The following NRXN1 variants were observed in gnomAD, a reference collection of about 807,000 sequenced individuals.
The protein encoded by NRXN1 is neurexin 1, also known as neurexin-1.
In NRXN1, 39 loss-of-function variants were observed where a neutral mutation model predicts 150.9. The ratio of observed to expected loss-of-function variants is 0.26; its 90% confidence interval spans 0.20 to 0.34. The LOEUF (loss-of-function observed/expected upper bound fraction) is 0.34, where lower values mean the gene tolerates loss of function less well. Among genes scored for constraint, NRXN1 ranks in the 10% least tolerant of loss-of-function variants. The pLI is 1.00. For synonymous variants in NRXN1, 924 were observed against 757.0 expected, an observed-to-expected ratio of 1.22 and a Z score of -3.62; for missense variants, 1,815 against 1,949.9, an observed-to-expected ratio of 0.93 and a Z score of 1.30.
chr2:50,694,984 T>C (rs1422441128), intron 5 of NRXN1, among the ~76,000 whole-genome samples: 5 of 152,222 alleles, frequency 3.3e-5, no homozygotes, highest in Non-Finnish European at 1.5e-5. Context: ...CCATGCAAAT[T>C]GATCTGGGAG....
At chr2:49,944,824 A>G (rs1247879400) in intron 21 of NRXN1, among the ~76,000 whole-genome samples, 1 of 152,220 alleles carries the variant, frequency 6.6e-6, no homozygotes, top group Non-Finnish European at 1.5e-5. Context: ...TGCAACATTG[A>G]TACAGTTCTC....
intron 15 of NRXN1, among the ~76,000 whole-genome samples, chr2:50,481,760 C>CTTTTTTTTTTTTTTTTTT (rs758265489): frequency 8.4e-5 from 7 of 82,958 alleles, no homozygotes; most frequent in East Asian, 3.8e-4. Context: ...ACTTTTGTTT[C>CTTTTTTTTTTTTTTTTTT]TTTTTTTTTT....
intron 17 of NRXN1, among the ~76,000 whole-genome samples, chr2:50,238,389 A>G (rs181731712): frequency 7.4e-4 from 113 of 152,152 alleles, no homozygotes; most frequent in African/African-American, 2.5e-3. Flanking sequence ...CAGTCCCATA[A>G]TCGATACCCC....
rs149322054 is a variant in NRXN1, at chr2:49,984,718, A to AACACACACACACAC, written c.4129-40941_4129-40928dup. On this transcript the variant is annotated intron_variant, in intron 21 of 22. Transcript: ENST00000401669. Reference sequence around the variant, plus strand: ...AGACAAAGTCCTTTGAGAACACACAAACACACACACACACACACACACACA... The same window carrying AACACACACACACAC: ...AGACAAAGTCCTTTGAGAACACACAAACACACACACACACACACACACACACACACACACACACA... Among the ~76,000 whole-genome samples the AACACACACACACAC allele has an allele frequency of 4.4e-3, 650 of 146,936 alleles. 2 individuals carry two copies. Among genetic ancestry groups the AACACACACACACAC allele is most frequent in the Admixed American group, 8.7e-3 (127 of 14,636 alleles).
intron 15 of NRXN1, among the ~76,000 whole-genome samples, chr2:50,495,180 C>G (rs375188213): frequency 3.0e-4 from 45 of 152,188 alleles, no homozygotes; most frequent in African/African-American, 1.0e-3. Context: ...CACATATATT[C>G]TTAGTGAATC....
chr2:50,031,664 T>C (rs67002105), intron 21 of NRXN1, among the ~76,000 whole-genome samples: 60,534 of 151,934 alleles, frequency 0.4, 12,618 homozygotes, highest in Middle Eastern at 0.51. Context: ...TATCAATGCA[T>C]AAGGAAGAGA....
chr2:50,500,837 A>G (rs1338538018), intron 13 of NRXN1, among the ~76,000 whole-genome samples: 1 of 152,220 alleles, frequency 6.6e-6, no homozygotes, highest in African/African-American at 2.4e-5. Context: ...ATGTCGAGCA[A>G]AATAACCCTC....
At chr2:50,061,497 C>T (rs967211231) in intron 19 of NRXN1, among the ~76,000 whole-genome samples, 5 of 152,094 alleles carry the variant, frequency 3.3e-5, no homozygotes, top group Admixed American at 6.6e-5. Context: ...TTGAATCTTT[C>T]GAAGAAGACA....
intron 18 of NRXN1, among the ~76,000 whole-genome samples, chr2:50,217,503 T>C (rs1377688557): frequency 1.3e-5 from 2 of 152,060 alleles, no homozygotes; most frequent in Non-Finnish European, 2.9e-5. Context: ...AATTACATGC[T>C]TTAAAACTCT....
intron 5 of NRXN1, chr2:50,632,873 T>G (rs1682585811): frequency 6.6e-6 from 1 of 152,014 alleles, no homozygotes; most frequent in South Asian, 2.1e-4. Context: ...CAATATCTAT[T>G]TAATATGTAC....
intron 17 of NRXN1, among the ~76,000 whole-genome samples, chr2:50,389,435 G>T (rs1297886870): frequency 6.6e-6 from 1 of 151,454 alleles, no homozygotes; most frequent in African/African-American, 2.4e-5. Flanking sequence ...AATAAACTTA[G>T]ATTTATTGGT....
At chr2:50,354,071 C>T (rs1204946626) in intron 17 of NRXN1, among the ~76,000 whole-genome samples, 1 of 152,052 alleles carries the variant, frequency 6.6e-6, no homozygotes, top group Non-Finnish European at 1.5e-5. Context: ...TCTCACCTCC[C>T]GTTAGTTGAT....
At position 50,634,185 on chromosome 2, in the gene NRXN1, G is replaced by T. The variant is rs80097175; in HGVS notation, c.833-10570C>A. ...AGCTACTAGAGTTTTATAGTTAGGG[G>T]AATGACATGGTTTGATTTACATCTC... On this transcript the variant is annotated intron_variant, in intron 5 of 22. Coordinates refer to ENST00000401669, the MANE Select transcript of NRXN1 (RefSeq NM_001330078.2). Among the ~76,000 whole-genome samples, 1,211 of 152,296 alleles carry T rather than the reference G, an allele frequency of 8.0e-3. 15 individuals carry two copies. Among genetic ancestry groups the T allele is most frequent in the African/African-American group, 0.027 (1,139 of 41,556 alleles).
chr2:50,214,868 T>C (rs1261256956), intron 18 of NRXN1, among the ~76,000 whole-genome samples: 2 of 152,028 alleles, frequency 1.3e-5, no homozygotes, highest in Non-Finnish European at 2.9e-5. Flanking sequence ...AGAATAATTC[T>C]ATAAGGTGGA....
intron 17 of NRXN1, among the ~76,000 whole-genome samples, chr2:50,447,975 T>C (rs2086612771): frequency 1.3e-5 from 2 of 151,732 alleles, no homozygotes; most frequent in South Asian, 4.1e-4. Flanking sequence ...TAAAATATAC[T>C]GTGTTCATTT....
intron 2 of NRXN1, among the ~76,000 whole-genome samples, chr2:50,996,799 G>C (rs1473414688): frequency 6.6e-6 from 1 of 151,976 alleles, no homozygotes; most frequent in Admixed American, 6.6e-5. Context: ...TTCTACTATT[G>C]TAGAAGATGG....
At chr2:50,719,853 T>C (rs140464694) in intron 5 of NRXN1, among the ~76,000 whole-genome samples, 203 of 152,322 alleles carry the variant, frequency 1.3e-3, no homozygotes, top group African/African-American at 4.6e-3. Context: ...TTAAATGCTT[T>C]CCTTATTTCA....
intron 2 of NRXN1, among the ~76,000 whole-genome samples, chr2:51,003,142 T>C (rs1318106004): frequency 6.6e-6 from 1 of 151,916 alleles, no homozygotes; most frequent in Non-Finnish European, 1.5e-5. Context: ...GCAGCCCTCA[T>C]AAGGTAACAA....
intron 5 of NRXN1, among the ~76,000 whole-genome samples, chr2:50,812,316 T>C (rs1242725993): frequency 6.6e-6 from 1 of 152,192 alleles, no homozygotes; most frequent in African/African-American, 2.4e-5. Flanking sequence ...ATGGAAATAA[T>C]ATCTTTGCGG....
Sources: allele counts gnomAD v4.1 joint callset (sites outside exome capture counted in the v4.1 genomes callset), GRCh38; gene constraint gnomAD v4.1.1; transcripts MANE v1.5; gene names NCBI Gene and HGNC (gene_info 2026-07-23, HGNC 2026-07-21).